Variants in ADAMTS19 observed in about 807,000 individuals in gnomAD.
ADAMTS19 encodes the protein ADAM metallopeptidase with thrombospondin type 1 motif 19.
ADAMTS19 carries 93 observed loss-of-function variants against 153.3 expected under a neutral mutation model. The observed-to-expected ratio is 0.61, with a 90% CI of 0.51 to 0.72. ADAMTS19 has a LOEUF of 0.72. Among genes scored for constraint, ADAMTS19 ranks in the 30% least tolerant of loss-of-function variants. The pLI, the probability that ADAMTS19 is intolerant of heterozygous loss-of-function variation, is 0.00. For synonymous variants in ADAMTS19, 600 were observed against 556.6 expected (o/e 1.08, Z -1.10); for missense variants, 1,482 against 1,552.1 (o/e 0.95, Z 0.76).
chr5:129,610,160 C>A (rs1393375170), intron 8 of ADAMTS19, among the ~76,000 whole-genome samples: 4 of 151,770 alleles, frequency 2.6e-5, no homozygotes, highest in South Asian at 2.1e-4. Flanking sequence ...ATATGTCTTA[C>A]ACACCATATA....
At position 129,522,299 on chromosome 5, in the gene ADAMTS19, G is replaced by A. The variant is rs866736502; in HGVS notation, c.914-3985G>A. Among the ~76,000 whole-genome samples, 625 of 97,644 alleles carry A rather than the reference G, an allele frequency of 6.4e-3. 6 individuals are homozygous for A. The highest frequency in any genetic ancestry group is 0.02 in the African/African-American group (453 of 22,286). The allele number at this position is 97,644 out of a possible 152,430, so 64.1% of individuals were successfully genotyped here. On this transcript the variant is annotated intron_variant, in intron 3 of 22. Transcript: ENST00000274487. ...TATGCGTAGTTGTATGTGTGTGTGT[G>A]TATATATATATATATATACACACAC...
intron 2 of ADAMTS19, among the ~76,000 whole-genome samples, chr5:129,468,280 C>T (rs975866515): frequency 3.3e-5 from 5 of 152,224 alleles, no homozygotes; most frequent in East Asian, 1.9e-4. Flanking sequence ...TTTCTCTTTC[C>T]CATGTCCTGT....
At position 129,546,477 on chromosome 5, in the gene ADAMTS19, G is replaced by T. The variant is rs1216690265; in HGVS notation, c.1329-5387G>T. 6.0e-5 allele frequency among the ~76,000 whole-genome samples: 9 copies of T among 150,742 alleles called. No individual in the cohort carries two copies. In the East Asian group the frequency reaches 1.7e-3, roughly 29 times the overall value. On this transcript the variant is annotated intron_variant, in intron 6 of 22. Coordinates refer to ENST00000274487, the MANE Select transcript of ADAMTS19 (RefSeq NM_133638.6). ...GACTGTAGAATTATAAAGACGGAAA[G>T]AGTGTTAAAAAAGTAAGCAGAAAGC...
intron 11 of ADAMTS19, among the ~76,000 whole-genome samples, chr5:129,647,318 C>T (rs1448949091): frequency 1.3e-5 from 2 of 151,208 alleles, no homozygotes; most frequent in Non-Finnish European, 2.9e-5. Context: ...ACATTTCATA[C>T]GAAAATTACT....
rs1757600569 is a variant in ADAMTS19, at chr5:129,734,953, G to C, written c.3334G>C (p.Gly1112Arg). Residue 1112 changes from glycine (G) to arginine (R), a missense_variant, in exon 22 of 23, where the codon GGA becomes CGA. Gly to Arg is a moderately radical substitution (Grantham distance 125, BLOSUM62 -2). Around this residue, in one of 2 missense-constraint regions of ADAMTS19, gnomAD observed 616 missense variants for 724.4 expected, o/e 0.85. Coordinates refer to ENST00000274487, the MANE Select transcript of ADAMTS19 (RefSeq NM_133638.6). ...WSKCSITCGK[G>R]MQSRVIQCMH... ...CTAGTGCTCAATTACCTGTGGCAAA[G>C]GAATGCAGTCCCGTGTAATCCAATG... The C allele has an allele frequency of 1.3e-6, 2 of 1,588,348 alleles. No homozygotes were observed. Among genetic ancestry groups the C allele is most frequent in the South Asian group, 2.3e-5 (2 of 85,770 alleles).
chr5:129,463,369 G>T (rs1013546758), intron 2 of ADAMTS19, among the ~76,000 whole-genome samples: 23 of 152,116 alleles, frequency 1.5e-4, no homozygotes, highest in Non-Finnish European at 2.9e-5. Context: ...GGTTGTGCAC[G>T]TGTACCCTAG....
At chr5:129,536,985 A>G (rs1387524150) in intron 6 of ADAMTS19, among the ~76,000 whole-genome samples, 3 of 152,132 alleles carry the variant, frequency 2.0e-5, no homozygotes, top group Admixed American at 2.0e-4. Context: ...GGTGCAGTGC[A>G]CCAGCATGGC....
chr5:129,724,404 T>C (rs528630537), intron 21 of ADAMTS19, among the ~76,000 whole-genome samples: 1 of 152,250 alleles, frequency 6.6e-6, no homozygotes, highest in South Asian at 2.1e-4. Context: ...TAATCAGGTG[T>C]GTTCTATTGT....
intron 2 of ADAMTS19, among the ~76,000 whole-genome samples, chr5:129,508,420 T>C: frequency 6.6e-6 from 1 of 151,988 alleles, no homozygotes. Context: ...TATACCTACT[T>C]GTTATAAGTA....
At chr5:129,469,073 G>A (rs1486627786) in intron 2 of ADAMTS19, among the ~76,000 whole-genome samples, 1 of 151,914 alleles carries the variant, frequency 6.6e-6, no homozygotes, top group East Asian at 1.9e-4. Flanking sequence ...CACCACACCA[G>A]GCCATCTTTT....
At chr5:129,633,714 A>G (rs1752410409) in intron 10 of ADAMTS19, among the ~76,000 whole-genome samples, 1 of 152,160 alleles carries the variant, frequency 6.6e-6, no homozygotes, top group South Asian at 2.1e-4. Context: ...CAATTATATT[A>G]ATTAGATTTA....
rs558024947 is a variant in ADAMTS19, at chr5:129,566,547, A to G, written c.1372+14640A>G. ...CCACCAAACCAGCAGTGAGTTTATA[A>G]TTTTTCTCTCTTTTTGTATTCTCCA... is the stretch of plus-strand genomic sequence containing the variant. On this transcript the variant is annotated intron_variant, in intron 7 of 22. Transcript: ENST00000274487. Among the ~76,000 whole-genome samples, 75 of 152,196 alleles carry G rather than the reference A, an allele frequency of 4.9e-4. 1 individual carries two copies. The South Asian group carries it at 0.016, about 32-fold the overall frequency.
At position 129,654,401 on chromosome 5, in the gene ADAMTS19, G is replaced by A; in HGVS notation, c.2272G>A (p.Gly758Arg). ...VMDGTSCGYQGLDICANGRCQ... is the reference protein window; with the variant it reads ...VMDGTSCGYQRLDICANGRCQ... ...GGATGGAACTTCTTGTGGCTATCAG[G>A]GATTAGATATCTGTGCAAATGGCAG... The change falls in exon 14 of 23, where the codon GGA (glycine) becomes AGA (arginine). Residue 758 changes from glycine to arginine, a missense_variant. Around this residue, in one of 2 missense-constraint regions of ADAMTS19, gnomAD observed 616 missense variants for 724.4 expected, o/e 0.85. Transcript: ENST00000274487. 6.2e-7 allele frequency: 1 copy of A among 1,612,692 alleles called. No homozygotes were observed. The highest frequency in any genetic ancestry group is 8.5e-7 in the Non-Finnish European group (1 of 1,179,686).
chr5:129,571,359 T>C lies in ADAMTS19; in HGVS notation c.1372+19452T>C, dbSNP rs78388714. On this transcript the variant is annotated intron_variant, in intron 7 of 22. Transcript: ENST00000274487. The stretch of plus-strand genomic sequence containing the variant: ...GTGTATATGTGTATGTATATATATG[T>C]ATATGTATAAACATTAGGACATGAT... Among the ~76,000 whole-genome samples, 660 of 151,810 alleles carry C rather than the reference T, an allele frequency of 4.3e-3. 4 individuals carry two copies. Among genetic ancestry groups the C allele is most frequent in the East Asian group, 0.026 (134 of 5,164 alleles).
intron 8 of ADAMTS19, among the ~76,000 whole-genome samples, chr5:129,619,917 G>A (rs1358626090): frequency 6.6e-6 from 1 of 151,924 alleles, no homozygotes; most frequent in Non-Finnish European, 1.5e-5. Context: ...GAACTTAGTA[G>A]CTAGCAAAAG....
chr5:129,462,343 G>A lies in ADAMTS19; in HGVS notation c.747+586G>A, dbSNP rs148868856. ...TTGGGAGGGACTCAACTGAGAGACT[G>A]GAGGTTGAGTAACGGGTGACATTAG... On this transcript the variant is annotated intron_variant, in intron 2 of 22. Coordinates refer to ENST00000274487, the MANE Select transcript of ADAMTS19 (RefSeq NM_133638.6). Among the ~76,000 whole-genome samples, 12 of 152,316 alleles carry A rather than the reference G, an allele frequency of 7.9e-5. No homozygotes were observed. In the East Asian group the frequency reaches 2.3e-3, roughly 29 times the overall value.
chr5:129,470,865 A>C (rs1365155055), intron 2 of ADAMTS19, among the ~76,000 whole-genome samples: 1 of 144,464 alleles, frequency 6.9e-6, no homozygotes. Context: ...ATGAAATCTA[A>C]ATATGTTTTT....
intron 8 of ADAMTS19, among the ~76,000 whole-genome samples, chr5:129,606,496 G>C (rs1190344617): frequency 6.6e-6 from 1 of 152,110 alleles, no homozygotes; most frequent in Non-Finnish European, 1.5e-5. Context: ...TTGGACTCTT[G>C]CAGTATCCAC....
chr5:129,556,312 G>C (rs1468290817), intron 7 of ADAMTS19, among the ~76,000 whole-genome samples: 1 of 152,050 alleles, frequency 6.6e-6, no homozygotes, highest in African/African-American at 2.4e-5. Flanking sequence ...GGCTTACCAG[G>C]GTTGTCAGAA....
Sources: gnomAD v4.1 joint callset for allele counts (sites outside exome capture counted in the v4.1 genomes callset) on GRCh38, gnomAD v4.1.1 for gene constraint, gnomAD v4.1.1 regional missense constraint, MANE v1.5 for transcripts, NCBI Gene and HGNC (gene_info 2026-07-23, HGNC 2026-07-21) for gene names.